Variants in MRPS33 observed in about 807,000 individuals in gnomAD.
MRPS33 encodes the protein small ribosomal subunit protein mS33.
MRPS33 carries 11 observed loss-of-function variants against 11.2 expected under a neutral mutation model. The ratio of observed to expected loss-of-function variants is 0.99; its 90% CI spans 0.62 to 1.63. The LOEUF (loss-of-function observed/expected upper bound fraction) is 1.63, where lower values mean the gene tolerates loss of function less well. Ranked by LOEUF, MRPS33 falls within the 40% of genes most tolerant of loss-of-function variation. The probability of loss-of-function intolerance (pLI) is 0.00; values close to 1 mark genes in which losing one functional copy is unlikely to be tolerated. For synonymous variants in MRPS33, 46 were observed against 44.0 expected, an observed-to-expected ratio of 1.05 and a Z score of -0.18; for missense variants, 109 against 127.8, an observed-to-expected ratio of 0.85 and a Z score of 0.71.
chr7:141,012,402 T>G (rs933762168), intron 1 of MRPS33, among the ~76,000 whole-genome samples: 1 of 152,240 alleles, frequency 6.6e-6, no homozygotes, highest in Admixed American at 6.5e-5. Context: ...TTCACTTCTT[T>G]GCCAACTCTG....
chr7:141,014,123 T>C (rs1267464649), intron 1 of MRPS33, among the ~76,000 whole-genome samples: 2 of 152,220 alleles, frequency 1.3e-5, no homozygotes, highest in Non-Finnish European at 2.9e-5. Flanking sequence ...AATGGCCACG[T>C]CGTTTTTGTA....
intron 2 of MRPS33, 91 bp downstream of exon 2, chr7:141,010,328 A>T: frequency 4.6e-6 from 6 of 1,293,360 alleles, no homozygotes; most frequent in Non-Finnish European, 6.5e-6. Context: ...TTATAAGAAC[A>T]AAACTACAAG....
At chr7:141,011,989 A>AAAAGAAC (rs1554441590) in intron 1 of MRPS33, among the ~76,000 whole-genome samples, 6 of 146,272 alleles carry the variant, frequency 4.1e-5, no homozygotes, top group Non-Finnish European at 7.5e-5. Context: ...TTTTACAGAA[A>AAAAGAAC]AAAAAACAAA....
chr7:141,006,923 C>T (rs1820547359), intron 2 of MRPS33, among the ~76,000 whole-genome samples: 1 of 152,082 alleles, frequency 6.6e-6, no homozygotes, highest in South Asian at 2.1e-4. Context: ...CCCTGACTGC[C>T]CTAGGAACTA....
intron 1 of MRPS33, among the ~76,000 whole-genome samples, chr7:141,013,106 T>C (rs955935203): frequency 6.6e-6 from 1 of 150,496 alleles, no homozygotes; most frequent in African/African-American, 2.4e-5. Context: ...ATACTCCATA[T>C]AGTAAAAACT....
At chr7:141,012,826 G>A (rs1820710601) in intron 1 of MRPS33, among the ~76,000 whole-genome samples, 1 of 152,182 alleles carries the variant, frequency 6.6e-6, no homozygotes, top group Non-Finnish European at 1.5e-5. Flanking sequence ...CTGAGGCCTA[G>A]GTTTGACTAC....
At chr7:141,010,232 CT>C (rs368958612) in intron 2 of MRPS33, 186 bp downstream of exon 2, 41,730 of 423,676 alleles carry the variant, frequency 0.098, 3 homozygotes, top group South Asian at 0.12. Flanking sequence ...CATGAATTTC[CT>C]TTTTTTTTTT....
chr7:141,013,292 G>C (rs529335302), intron 1 of MRPS33, among the ~76,000 whole-genome samples: 17 of 152,300 alleles, frequency 1.1e-4, no homozygotes, highest in Admixed American at 8.5e-4. Flanking sequence ...GCCCATTTTG[G>C]AATGTGGCAA....
chr7:141,009,593 G>C (rs79240890), intron 2 of MRPS33: 1 of 152,026 alleles, frequency 6.6e-6, no homozygotes, highest in African/African-American at 2.4e-5. Context: ...GTCAAAAAGG[G>C]TACAAAATAA....
intron 1 of MRPS33, 23 bp from the exon 2 acceptor site, chr7:141,010,683 T>TAG: frequency 6.5e-7 from 1 of 1,544,146 alleles, no homozygotes; most frequent in Non-Finnish European, 8.9e-7. Context: ...AGAAGAAAGT[T>TAG]AAACAGGTTA....
rs150868343 is a variant in MRPS33 at position 141,010,091 on chromosome 7, T to C, written c.215+328A>G. ...TGCTGGGATTACAAGCGTGAGCCAC[T>C]GCGCCTGGCCTCTTGGCATCCTTTT... On this transcript the variant is annotated intron_variant, in intron 2 of 2. Coordinates refer to ENST00000324787, the MANE Select transcript of MRPS33 (RefSeq NM_053035.3). 1.5e-3 allele frequency: 312 copies of C among 204,356 alleles called. 3 individuals are homozygous for C. Among genetic ancestry groups the C allele is most frequent in the African/African-American group, 6.5e-3 (276 of 42,502 alleles). 12.7% of individuals were successfully genotyped at this position (204,356 alleles called of 1,614,324 possible). A position where few individuals can be genotyped will look rare whatever the true frequency, so the allele number is the denominator to read the frequency against.
chr7:141,010,054 G>A (rs762620150), intron 2 of MRPS33: 31 of 171,286 alleles, frequency 1.8e-4, no homozygotes, highest in Middle Eastern at 2.8e-3. Flanking sequence ...TGCCTGCCTC[G>A]GCCTCCCAAA....
In MRPS33 at chr7:141,005,132, C is replaced by T. The variant is rs1489362034; in HGVS notation, c.*1298G>A. On this transcript the variant is annotated 3_prime_UTR_variant, in exon 3 of 3. Coordinates refer to ENST00000324787, the MANE Select transcript of MRPS33 (RefSeq NM_053035.3). ...ACTCAAATCTATACAACAGTCATCC[C>T]TCATAGAACTTCTAGTTATGTTCAA... The T allele has an allele frequency of 6.6e-6, 1 of 152,172 alleles. No individual in the cohort carries two copies. Among genetic ancestry groups the T allele is most frequent in the Non-Finnish European group, 1.5e-5 (1 of 68,042 alleles). 9.4% of individuals were successfully genotyped at this position (152,172 alleles called of 1,614,324 possible).
At chr7:141,010,360 C>T (rs1320194464) in intron 2 of MRPS33, 59 bp downstream of exon 2, 5 of 1,536,136 alleles carry the variant, frequency 3.3e-6, no homozygotes, top group Admixed American at 1.9e-5. Context: ...TAATTTTTTT[C>T]CTTTTCTGAT....
In MRPS33 at chr7:141,010,402, T is replaced by C; in HGVS notation, c.215+17A>G. On this transcript the variant is annotated intron_variant, in intron 2 of 2. Transcript: ENST00000324787. ...AAAAAAAGTCTCTCATAGGTCCCTC[T>C]TTGTGTTTGTCATCACCTGTAGAGT... 6.2e-7 allele frequency: 1 copy of C among 1,613,064 alleles called. No individual in the cohort carries two copies. Among genetic ancestry groups the C allele is most frequent in the Non-Finnish European group, 8.5e-7 (1 of 1,179,446 alleles).
intron 1 of MRPS33, among the ~76,000 whole-genome samples, chr7:141,011,852 C>A (rs1013302041): frequency 6.6e-6 from 1 of 151,878 alleles, no homozygotes; most frequent in Non-Finnish European, 1.5e-5. Flanking sequence ...GTTTCAAGAT[C>A]CATTAACAGA....
chr7:141,013,000 T>C (rs187167678), intron 1 of MRPS33, among the ~76,000 whole-genome samples: 202 of 152,254 alleles, frequency 1.3e-3, no homozygotes, highest in Non-Finnish European at 2.1e-3. Flanking sequence ...ATCTGTAAGT[T>C]TGGTTTTCAT....
chr7:141,014,620 G>A (rs1039679765), intron 1 of MRPS33: 3 of 152,316 alleles, frequency 2.0e-5, no homozygotes, highest in African/African-American at 4.8e-5. Flanking sequence ...GCCGAAGGCC[G>A]TGTGATGAGC....
At position 141,014,073 on chromosome 7, in the gene MRPS33, C is replaced by T. The variant is rs181806358; in HGVS notation, c.-28+838G>A. Among the ~76,000 whole-genome samples, 15 of 152,296 alleles carry T rather than the reference C, an allele frequency of 9.8e-5. No homozygotes were observed. In the South Asian group the frequency reaches 1.2e-3, roughly 13 times the overall value. The stretch of plus-strand genomic sequence containing the variant: ...ATTGGTTAGCAGAACGCACCAGCTG[C>T]AGAATAAAAAAGCTGGTTGGAATCT... On this transcript the variant is annotated intron_variant, in intron 1 of 2. Coordinates refer to ENST00000324787, the MANE Select transcript of MRPS33 (RefSeq NM_053035.3).
Sources: gnomAD v4.1 joint callset for allele counts (sites outside exome capture counted in the v4.1 genomes callset) on GRCh38, gnomAD v4.1.1 for gene constraint, MANE v1.5 for transcripts, NCBI Gene and HGNC (gene_info 2026-07-23, HGNC 2026-07-21) for gene names.